LSM4: variants seen among roughly 807,000 people sequenced by gnomAD.
The protein encoded by LSM4 is LSM4 homolog, U6 small nuclear RNA and mRNA degradation associated, also known as U6 snRNA-associated Sm-like protein LSm4.
In LSM4, 15 loss-of-function variants were observed where a neutral mutation model predicts 22.3. The observed-to-expected ratio is 0.67, with a 90% CI of 0.45 to 1.03. The LOEUF is 1.03. Among genes scored for constraint, LSM4 ranks in the 50% least tolerant of loss-of-function variants. The pLI is 0.00. For synonymous variants in LSM4, 90 were observed against 79.8 expected (o/e 1.13, Z -0.68); for missense variants, 127 against 198.0 (o/e 0.64, Z 2.15).
intron 2 of LSM4, among the ~76,000 whole-genome samples, chr19:18,314,409 C>G (rs963109747): frequency 5.9e-5 from 9 of 151,806 alleles, no homozygotes; most frequent in African/African-American, 1.9e-4. Flanking sequence ...TACCTGTAGT[C>G]CCAGCTCCTC....
intron 2 of LSM4, among the ~76,000 whole-genome samples, chr19:18,314,948 G>A (rs112595944): frequency 0.055 from 8,428 of 151,860 alleles, 280 homozygotes; most frequent in Non-Finnish European, 0.066. Flanking sequence ...GCAGTGGCGC[G>A]ATCTCAGCTC....
chr19:18,322,056 T>C (rs1348881131), intron 1 of LSM4, among the ~76,000 whole-genome samples: 2 of 152,210 alleles, frequency 1.3e-5, no homozygotes, highest in Non-Finnish European at 2.9e-5. Flanking sequence ...TTGATAAATC[T>C]GTCTAGGAAG....
At chr19:18,317,244 A>G (rs897503677) in intron 1 of LSM4, among the ~76,000 whole-genome samples, 1 of 149,100 alleles carries the variant, frequency 6.7e-6, no homozygotes, top group Non-Finnish European at 1.5e-5. Flanking sequence ...CTGGTCTTGA[A>G]CTCCTGACCT....
intron 2 of LSM4, among the ~76,000 whole-genome samples, chr19:18,314,709 G>A (rs576359087): frequency 1.6e-4 from 25 of 152,140 alleles, no homozygotes; most frequent in Admixed American, 1.0e-3. Context: ...CCACAGAGAC[G>A]GCAGCTGCCT....
intron 4 of LSM4, 71 bp downstream of exon 4, chr19:18,309,607 C>T: frequency 6.7e-7 from 1 of 1,486,906 alleles, no homozygotes; most frequent in Non-Finnish European, 9.0e-7. Flanking sequence ...AAGGGCAACC[C>T]CAAGAAGGAG....
intron 4 of LSM4, among the ~76,000 whole-genome samples, chr19:18,309,026 G>C (rs1422902669): frequency 6.7e-6 from 1 of 150,016 alleles, no homozygotes; most frequent in African/African-American, 2.5e-5. Flanking sequence ...CACCCACCCT[G>C]AGATCCCCAA....
rs970699295 is a variant in LSM4 at position 18,307,438 on chromosome 19, G to A, written c.*26C>T. 6 of 1,491,824 alleles carry A rather than the reference G, an allele frequency of 4.0e-6. No homozygotes were observed. Among genetic ancestry groups the A allele is most frequent in the Middle Eastern group, 2.2e-4 (1 of 4,562 alleles). The allele number at this position is 1,491,824 out of a possible 1,614,324, so 92.4% of individuals were successfully genotyped here. A position where few individuals can be genotyped will look rare whatever the true frequency, so the allele number is the denominator to read the frequency against. On this transcript the variant is annotated 3_prime_UTR_variant, in exon 5 of 5. Transcript: ENST00000593829. ...GGAATCGCCACCCTGGCAGGAGGGG[G>A]CGCAGCAGCCGGTCTGGGTGGGCGC...
At chr19:18,322,298 C>T (rs969184398) in intron 1 of LSM4, among the ~76,000 whole-genome samples, 3 of 152,170 alleles carry the variant, frequency 2.0e-5, no homozygotes, top group East Asian at 1.9e-4. Flanking sequence ...GCTCTGAATT[C>T]CTTTTCCGAT....
intron 3 of LSM4, among the ~76,000 whole-genome samples, chr19:18,311,830 A>AG (rs1970302147): frequency 6.6e-6 from 1 of 152,138 alleles, no homozygotes. Context: ...CGGCCACTTC[A>AG]GGAAGAAGCG....
At chr19:18,317,838 G>A (rs1423630534) in intron 1 of LSM4, among the ~76,000 whole-genome samples, 2 of 151,930 alleles carry the variant, frequency 1.3e-5, no homozygotes, top group Admixed American at 6.6e-5. Context: ...GTTTCAAGAT[G>A]TTTTTTTCCA....
rs570188622 is a variant in LSM4, at chr19:18,323,039, G to C, written c.-19C>G. 1 of 1,540,790 alleles carries C rather than the reference G, an allele frequency of 6.5e-7. No homozygotes were observed. The highest frequency in any genetic ancestry group is 1.2e-5 in the South Asian group (1 of 84,222). ...TCACCATGGTGCCGGCGGGGACCGG[G>C]CTCGCCGGCCACTTCCGCCGCCGCC... On this transcript the variant is annotated 5_prime_UTR_variant, in exon 1 of 5. Coordinates refer to ENST00000593829, the MANE Select transcript of LSM4 (RefSeq NM_012321.5).
intron 2 of LSM4, 48 bp from the exon 3 acceptor site, chr19:18,312,750 G>A (rs1011487977): frequency 6.4e-6 from 9 of 1,403,136 alleles, no homozygotes; most frequent in African/African-American, 1.4e-5. Context: ...GGAGCCCTGC[G>A]CCATGGGCCC....
chr19:18,317,316 C>A (rs936613880), intron 1 of LSM4, among the ~76,000 whole-genome samples: 3 of 149,676 alleles, frequency 2.0e-5, no homozygotes, highest in African/African-American at 4.9e-5. Context: ...GCCATCACCC[C>A]CCGCCTGAAC....
intron 4 of LSM4, among the ~76,000 whole-genome samples, chr19:18,308,126 C>T (rs1332643673): frequency 6.6e-6 from 1 of 152,190 alleles, no homozygotes; most frequent in African/African-American, 2.4e-5. Flanking sequence ...TCCATGAAGC[C>T]CCTGAGGTGG....
intron 1 of LSM4, among the ~76,000 whole-genome samples, chr19:18,317,962 C>G (rs187216321): frequency 6.6e-6 from 1 of 152,178 alleles, no homozygotes; most frequent in Non-Finnish European, 1.5e-5. Context: ...GGAGCTGCCT[C>G]GGGTAACGCA....
intron 1 of LSM4, among the ~76,000 whole-genome samples, chr19:18,319,921 C>A (rs567860437): frequency 6.6e-6 from 1 of 152,206 alleles, no homozygotes; most frequent in Non-Finnish European, 1.5e-5. Context: ...AAGCACAAGG[C>A]CAGGCACATG....
intron 4 of LSM4, among the ~76,000 whole-genome samples, chr19:18,308,588 T>G (rs1221499433): frequency 6.6e-6 from 1 of 152,120 alleles, no homozygotes; most frequent in Non-Finnish European, 1.5e-5. Flanking sequence ...CAGAGCCCGC[T>G]GGGAGGCTCA....
intron 2 of LSM4, 72 bp from the exon 3 acceptor site, chr19:18,312,774 G>T: frequency 8.5e-7 from 1 of 1,170,124 alleles, no homozygotes; most frequent in Non-Finnish European, 1.3e-6. Context: ...AGGAGGTGTA[G>T]CTCTGCCCTG....
rs541616529 is a variant in LSM4 at position 18,311,044 on chromosome 19, C to T, written c.145-1183G>A. Among the ~76,000 whole-genome samples, 383 of 152,282 alleles carry T rather than the reference C, an allele frequency of 2.5e-3. 4 individuals carry two copies. The highest frequency in any genetic ancestry group is 3.0e-3 in the African/African-American group (126 of 41,562). ...AGGTGTGGCCTGGCCTAGCGCTGGG[C>T]GGGGAGGAACAGCCCCTTTGGGTGC... On this transcript the variant is annotated intron_variant, in intron 3 of 4. Transcript: ENST00000593829.
Sources: gnomAD v4.1 joint callset for allele counts (sites outside exome capture counted in the v4.1 genomes callset) on GRCh38, gnomAD v4.1.1 for gene constraint, MANE v1.5 for transcripts, NCBI Gene and HGNC (gene_info 2026-07-23, HGNC 2026-07-21) for gene names.